Variants in FRMD1 observed in about 807,000 individuals in gnomAD.
FRMD1 encodes the protein FERM domain-containing protein 1.
In FRMD1, 51 loss-of-function variants were observed where a neutral mutation model predicts 54.9. The ratio of observed to expected loss-of-function variants is 0.93; its 90% CI spans 0.74 to 1.17. FRMD1 has a LOEUF of 1.17. FRMD1 is among the 50% of genes most tolerant of loss of function. The pLI is 0.00. For missense variants in FRMD1, 729 were observed against 743.0 expected (o/e 0.98, Z 0.22); for synonymous variants, 324 against 306.4 (o/e 1.06, Z -0.60).
chr6:168,074,905 GC>G (rs1800507350), intron 2 of FRMD1, among the ~76,000 whole-genome samples: 1 of 150,056 alleles, frequency 6.7e-6, no homozygotes, highest in Non-Finnish European at 1.5e-5. Flanking sequence ...GCATGTGTGT[GC>G]TGCATGCATG....
intron 2 of FRMD1, among the ~76,000 whole-genome samples, chr6:168,074,926 G>A (rs1014874526): frequency 6.6e-6 from 1 of 151,782 alleles, no homozygotes; most frequent in African/African-American, 2.4e-5. Context: ...GTGAACAAGT[G>A]TGAGTGGTGT....
rs368090189 is a variant in FRMD1 at position 168,067,443 on chromosome 6, T to C, written c.308A>G (p.Asn103Ser). Residue 103 changes from asparagine (N) to serine (S), a missense_variant, in exon 3 of 11, where the codon AAT becomes AGT. Transcript: ENST00000283309. ...CTCCAAATCCATAAATATATACTCA[T>C]TGTCTGAAAGCAAAACAAAAGGCTT... The part of the protein sequence containing the change: ...QFFGLCVVRN[N>S]EYIFMDLEQK... 1.1e-5 allele frequency: 18 copies of C among 1,598,202 alleles called. No individual in the cohort carries two copies. The highest frequency in any genetic ancestry group is 1.5e-5 in the Non-Finnish European group (17 of 1,169,138).
At chr6:168,082,240 G>A (rs115856603), upstream of FRMD1, among the ~76,000 whole-genome samples, 381 of 152,326 alleles carry the variant, frequency 2.5e-3, 1 homozygote, top group African/African-American at 8.1e-3. Context: ...GCCCTTTACC[G>A]ACTCGGCTGC....
chr6:168,086,274 G>A (rs73030353), upstream of FRMD1, among the ~76,000 whole-genome samples: 4,783 of 138,260 alleles, frequency 0.035, 83 homozygotes, highest in East Asian at 0.061. Flanking sequence ...GGACACCCGC[G>A]TCCCCAGCAT....
chr6:168,065,582 C>T (rs1464161102), intron 4 of FRMD1: 3 of 986,762 alleles, frequency 3.0e-6, no homozygotes, highest in Non-Finnish European at 3.6e-6. Context: ...CCCCATAGCA[C>T]CAGGTAGCTC....
chr6:168,075,519 C>T lies in FRMD1; in HGVS notation c.214-184G>A, dbSNP rs573837728. 9.9e-5 allele frequency among the ~76,000 whole-genome samples: 15 copies of T among 152,190 alleles called. No homozygotes were observed. The South Asian group carries it at 3.1e-3, about 32-fold the overall frequency. ...ACACCGCTGCATGCCCATCAGAGCA[C>T]CTGTGAGTGCCGGGAAGTGAGGGTG... On this transcript the variant is annotated intron_variant, in intron 1 of 10. Coordinates refer to ENST00000283309, the MANE Select transcript of FRMD1 (RefSeq NM_024919.6).
chr6:168,092,598 T>C (rs972523630), intron 1 of FRMD1, among the ~76,000 whole-genome samples: 13 of 150,758 alleles, frequency 8.6e-5, no homozygotes, highest in Non-Finnish European at 1.8e-4. Flanking sequence ...CCCTTCATCA[T>C]GTGAGGACAC....
upstream of FRMD1, among the ~76,000 whole-genome samples, chr6:168,079,809 G>A (rs895688225): frequency 6.6e-6 from 1 of 152,218 alleles, no homozygotes; most frequent in African/African-American, 2.4e-5. Flanking sequence ...CAGCAGCCGG[G>A]TGCATCAGCA....
At chr6:168,081,970 A>C (rs1800839540), upstream of FRMD1, 1 of 155,874 alleles carries the variant, frequency 6.4e-6, no homozygotes, top group Non-Finnish European at 1.4e-5. Context: ...TCACGCAAAA[A>C]GCCTTCAAGA....
chr6:168,058,988 C>T (rs556990318), intron 10 of FRMD1, 136 bp downstream of exon 10: 26 of 667,946 alleles, frequency 3.9e-5, no homozygotes, highest in South Asian at 2.1e-4. Context: ...CTGACTTGCC[C>T]GCTGCGTCTC....
At chr6:168,086,990 T>C (rs938240809) in intron 1 of FRMD1, among the ~76,000 whole-genome samples, 7 of 152,104 alleles carry the variant, frequency 4.6e-5, no homozygotes, top group Non-Finnish European at 1.0e-4. Flanking sequence ...ACCTCAGCCC[T>C]GCGCTCACCA....
chr6:168,067,519 A>G, intron 2 of FRMD1, 73 bp from the exon 3 acceptor site: 2 of 909,578 alleles, frequency 2.2e-6, no homozygotes, highest in South Asian at 3.1e-5. Flanking sequence ...TTCAAAACTG[A>G]GTGTGGCTTG....
In FRMD1 at chr6:168,079,153, A is replaced by G. The variant is rs1314616780; in HGVS notation, c.-59T>C. On this transcript the variant is annotated 5_prime_UTR_variant, in exon 1 of 11. Coordinates refer to ENST00000283309, the MANE Select transcript of FRMD1 (RefSeq NM_024919.6). ...CGCAGGTGGGTGCTCAGCACCTCCC[A>G]GATCACAGCTGTGCTTTCCGGGACC... 20 of 1,507,146 alleles carry G rather than the reference A, an allele frequency of 1.3e-5. No homozygotes were observed. Among genetic ancestry groups the G allele is most frequent in the Admixed American group, 2.1e-5 (1 of 47,558 alleles). 93.4% of individuals were successfully genotyped at this position (1,507,146 alleles called of 1,614,324 possible).
rs561973991 is a variant in FRMD1, at chr6:168,074,021, GA to G, written c.304+1223del. Among the ~76,000 whole-genome samples, 48 of 152,260 alleles carry G rather than the reference GA, an allele frequency of 3.2e-4. No individual in the cohort carries two copies. In the South Asian group the frequency reaches 9.7e-3, roughly 31 times the overall value. On this transcript the variant is annotated intron_variant, in intron 2 of 10. Coordinates refer to ENST00000283309, the MANE Select transcript of FRMD1 (RefSeq NM_024919.6). The stretch of plus-strand genomic sequence containing the variant: ...TAGCCTCCCTCGGCTTGGCTGGGGA[GA>G]GGGGGCCAGGGCTTGTCTGTGCTGC...
At chr6:168,084,390 T>C (rs1298546598), upstream of FRMD1, among the ~76,000 whole-genome samples, 1 of 152,222 alleles carries the variant, frequency 6.6e-6, no homozygotes, top group Non-Finnish European at 1.5e-5. Context: ...CATTAACTGC[T>C]GAATTAAAAA....
At chr6:168,076,607 C>T (rs1189109802) in intron 1 of FRMD1, among the ~76,000 whole-genome samples, 1 of 152,192 alleles carries the variant, frequency 6.6e-6, no homozygotes, top group Non-Finnish European at 1.5e-5. Context: ...GAGGTGCCTT[C>T]TGCCATGACT....
chr6:168,069,935 G>A lies in FRMD1; in HGVS notation c.305-2489C>T, dbSNP rs191847539. 2.2e-4 allele frequency among the ~76,000 whole-genome samples: 33 copies of A among 152,204 alleles called. 1 individual carries two copies. Among genetic ancestry groups the A allele is most frequent in the Admixed American group, 7.9e-4 (12 of 15,276 alleles). On this transcript the variant is annotated intron_variant, in intron 2 of 10. Coordinates refer to ENST00000283309, the MANE Select transcript of FRMD1 (RefSeq NM_024919.6). ...GTGAAGACATTCTTAAGATGAAGGC[G>A]ACACTCAGGCTGGGTGTGGTGGCTC...
rs757823860 is a variant in FRMD1, at chr6:168,059,217, G to T, written c.1343-29C>A. On this transcript the variant is annotated intron_variant, in intron 9 of 10. Coordinates refer to ENST00000283309, the MANE Select transcript of FRMD1 (RefSeq NM_024919.6). The surrounding 1 kb of genome is among the most constrained non-coding windows in gnomAD (Gnocchi z 4.4). Reference sequence around the variant, plus strand: ...TGGGAGGAGGCAGCCGTGAGCACAGGTGTCTGGGTTCTGCCCGACATGGCT... The same window carrying T: ...TGGGAGGAGGCAGCCGTGAGCACAGTTGTCTGGGTTCTGCCCGACATGGCT... The T allele has an allele frequency of 3.2e-6, 5 of 1,558,032 alleles. No homozygotes were observed. The highest frequency in any genetic ancestry group is 4.3e-6 in the Non-Finnish European group (5 of 1,153,334).
intron 1 of FRMD1, among the ~76,000 whole-genome samples, chr6:168,076,027 G>A (rs1368385461): frequency 6.6e-6 from 1 of 152,210 alleles, no homozygotes; most frequent in African/African-American, 2.4e-5. Context: ...CGGCATGGAT[G>A]GGATTGGCGG....
Sources: allele counts gnomAD v4.1 joint callset (sites outside exome capture counted in the v4.1 genomes callset), GRCh38; gene constraint gnomAD v4.1.1; non-coding constraint Gnocchi (gnomAD v3.1); transcripts MANE v1.5; gene names NCBI Gene and HGNC (gene_info 2026-07-23, HGNC 2026-07-21).